AGBL1: variants seen among roughly 807,000 people sequenced by gnomAD.
AGBL1 encodes the protein AGBL carboxypeptidase 1, also known as cytosolic carboxypeptidase 4.
AGBL1 carries 130 observed loss-of-function variants against 118.9 expected under a neutral mutation model. The ratio of observed to expected loss-of-function variants is 1.09; its 90% confidence interval spans 0.95 to 1.26. The LOEUF (loss-of-function observed/expected upper bound fraction) is 1.26. Among genes scored for constraint, AGBL1 ranks in the 50% most tolerant of loss-of-function variants. AGBL1 has a pLI of 0.00. For missense variants in AGBL1, 1,584 were observed against 1,298.1 expected (o/e 1.22, Z -3.38); for synonymous variants, 555 against 478.9 (o/e 1.16, Z -2.08).
intron 6 of AGBL1, among the ~76,000 whole-genome samples, chr15:86,234,787 G>C (rs529104290): frequency 1.3e-5 from 2 of 152,200 alleles, no homozygotes; most frequent in Non-Finnish European, 2.9e-5. Context: ...GTACAGTACT[G>C]GATCTTGGTA....
At chr15:86,287,494 C>G (rs1169888912) in intron 16 of AGBL1, among the ~76,000 whole-genome samples, 1 of 152,068 alleles carries the variant, frequency 6.6e-6, no homozygotes, top group Non-Finnish European at 1.5e-5. Context: ...AGGTTTTATG[C>G]TTAGGTCTTT....
At chr15:86,741,575 T>C (rs2077680786) in intron 22 of AGBL1, among the ~76,000 whole-genome samples, 1 of 152,042 alleles carries the variant, frequency 6.6e-6, no homozygotes, top group Non-Finnish European at 1.5e-5. Flanking sequence ...GACATCATAG[T>C]TCTGCATGTT....
chr15:86,280,605 T>C (rs1000733638), intron 16 of AGBL1, among the ~76,000 whole-genome samples: 1 of 152,242 alleles, frequency 6.6e-6, no homozygotes, highest in African/African-American at 2.4e-5. Context: ...TGTAAAATGT[T>C]ATTAGCATAT....
intron 16 of AGBL1, among the ~76,000 whole-genome samples, chr15:86,285,968 A>G (rs1244445030): frequency 2.6e-5 from 4 of 152,064 alleles, no homozygotes; most frequent in African/African-American, 9.7e-5. Context: ...GCTTCCGCAT[A>G]TCTGATTTAT....
intron 22 of AGBL1, among the ~76,000 whole-genome samples, chr15:86,715,916 A>G (rs1357676312): frequency 6.6e-6 from 1 of 151,760 alleles, no homozygotes; most frequent in Non-Finnish European, 1.5e-5. Flanking sequence ...AAAATTAGTC[A>G]GGCGTGGTGG....
At chr15:86,687,809 C>A (rs1225075926) in intron 22 of AGBL1, among the ~76,000 whole-genome samples, 1 of 152,172 alleles carries the variant, frequency 6.6e-6, no homozygotes, top group East Asian at 1.9e-4. Context: ...CTATTTATAG[C>A]CCCTCGATGA....
At chr15:86,988,023 G>T (rs2081301328) in exon 24 of AGBL1, 5 of 1,613,288 alleles carry the variant, frequency 3.1e-6, no homozygotes, top group Non-Finnish European at 4.2e-6. Flanking sequence ...AGCATATTTG[G>T]TTTGCTTACC....
chr15:86,159,981 T>C (rs2141711030), intron 5 of AGBL1, among the ~76,000 whole-genome samples: 1 of 152,280 alleles, frequency 6.6e-6, no homozygotes, highest in South Asian at 2.1e-4. Context: ...AAATACTGGA[T>C]TGAATGCTGG....
intron 22 of AGBL1, among the ~76,000 whole-genome samples, chr15:86,763,674 G>A (rs2078058348): frequency 6.6e-6 from 1 of 151,948 alleles, no homozygotes; most frequent in African/African-American, 2.4e-5. Context: ...GTCAATCATA[G>A]GAAATGGGAA....
intron 16 of AGBL1, among the ~76,000 whole-genome samples, chr15:86,291,146 A>G (rs2079538862): frequency 1.3e-5 from 2 of 152,164 alleles, no homozygotes; most frequent in Non-Finnish European, 2.9e-5. Context: ...TTCAATAAAG[A>G]TAAGGTAGTA....
downstream of AGBL1, among the ~76,000 whole-genome samples, chr15:86,917,975 A>T (rs1170657994): frequency 6.6e-6 from 1 of 152,158 alleles, no homozygotes. This position sits in a 1 kb window ranked among gnomAD's most constrained non-coding sequence, Gnocchi z 4.8. Context: ...ATTACTCCCA[A>T]GCAGCTGGGT....
At chr15:86,092,136 A>T (rs1035612126) in intron 1 of AGBL1, among the ~76,000 whole-genome samples, 1 of 152,128 alleles carries the variant, frequency 6.6e-6, no homozygotes, top group Admixed American at 6.6e-5. Flanking sequence ...GTCCTCCCAG[A>T]TATGAAGAAT....
chr15:87,006,454 C>G (rs985437022), intron 24 of AGBL1, among the ~76,000 whole-genome samples: 13 of 152,152 alleles, frequency 8.5e-5, no homozygotes, highest in African/African-American at 3.1e-4. Flanking sequence ...CTGTGCTAGC[C>G]ATGAGTGAGG....
chr15:86,836,404 T>G (rs1427985124), intron 22 of AGBL1, among the ~76,000 whole-genome samples: 1 of 152,144 alleles, frequency 6.6e-6, no homozygotes, highest in Non-Finnish European at 1.5e-5. Context: ...CAATTTACAC[T>G]ATCTCAACTC....
At chr15:87,014,656 G>A (rs74025790) in intron 24 of AGBL1, among the ~76,000 whole-genome samples, 2,306 of 152,256 alleles carry the variant, frequency 0.015, 64 homozygotes, top group African/African-American at 0.053. Flanking sequence ...AGAAGGAAGA[G>A]GTACAGAAGA....
intron 6 of AGBL1, among the ~76,000 whole-genome samples, chr15:86,243,763 C>T (rs1031324854): frequency 6.6e-5 from 10 of 152,132 alleles, no homozygotes; most frequent in African/African-American, 2.4e-4. Context: ...AATTCCAGCA[C>T]TTGGGGAGGC....
At chr15:86,387,694 C>T (rs1397789324) in intron 17 of AGBL1, among the ~76,000 whole-genome samples, 1 of 152,212 alleles carries the variant, frequency 6.6e-6, no homozygotes, top group Non-Finnish European at 1.5e-5. Context: ...GTTTCCAAAA[C>T]TTATCAGCTA....
intron 17 of AGBL1, among the ~76,000 whole-genome samples, chr15:86,375,458 A>T (rs1347956703): frequency 2.0e-5 from 3 of 152,172 alleles, no homozygotes; most frequent in African/African-American, 7.2e-5. Context: ...CCCTCAACGC[A>T]TGGGGATCAT....
Position 86,423,276 on chromosome 15 carries a change from C to A in AGBL1, c.2555+25730C>A, listed in dbSNP as rs149386587. Among the ~76,000 whole-genome samples, 26 of 151,964 alleles carry A rather than the reference C, an allele frequency of 1.7e-4. 1 individual carries two copies. The East Asian group carries it at 5.0e-3, about 29-fold the overall frequency. On this transcript the variant is annotated intron_variant, in intron 18 of 22. Coordinates refer to ENST00000614907, the MANE Select transcript of AGBL1 (RefSeq NM_001386094.1). ...CTTCATCCATGGGATGCAACATATG[C>A]AAATCAATAAACATAATCCATCACA...
Sources: allele counts gnomAD v4.1 joint callset (sites outside exome capture counted in the v4.1 genomes callset), GRCh38; gene constraint gnomAD v4.1.1; non-coding constraint Gnocchi (gnomAD v3.1); transcripts MANE v1.5; gene names NCBI Gene and HGNC (gene_info 2026-07-23, HGNC 2026-07-21).